The following AGBL1 variants were observed in gnomAD, a reference collection of about 807,000 sequenced individuals.
The protein encoded by AGBL1 is cytosolic carboxypeptidase 4.
AGBL1 carries 130 observed loss-of-function variants against 118.9 expected under a neutral mutation model. The observed-to-expected ratio is 1.09, with a 90% CI of 0.95 to 1.26. AGBL1 has a LOEUF of 1.26. Among genes scored for constraint, AGBL1 ranks in the 50% most tolerant of loss-of-function variants. AGBL1 has a pLI of 0.00. For missense variants in AGBL1, 1,584 were observed against 1,298.1 expected (o/e 1.22, Z -3.38); for synonymous variants, 555 against 478.9 (o/e 1.16, Z -2.08).
chr15:86,642,580 T>C (rs796812613), intron 21 of AGBL1, among the ~76,000 whole-genome samples: 33 of 136,474 alleles, frequency 2.4e-4, no homozygotes, highest in African/African-American at 8.2e-4. Context: ...TTTTGTCTTC[T>C]GAAATTATAG....
chr15:86,993,138 C>T (rs1050983181), intron 24 of AGBL1, among the ~76,000 whole-genome samples: 1 of 152,116 alleles, frequency 6.6e-6, no homozygotes, highest in African/African-American at 2.4e-5. Flanking sequence ...TGTGCTCTAA[C>T]TGTAATATAA....
At chr15:86,851,531 T>C (rs932308853) in intron 22 of AGBL1, among the ~76,000 whole-genome samples, 2 of 152,190 alleles carry the variant, frequency 1.3e-5, no homozygotes, top group African/African-American at 4.8e-5. Flanking sequence ...ACTTTCTGTA[T>C]CCCCAGAATT....
At chr15:86,469,972 T>A (rs2082458386) in intron 18 of AGBL1, among the ~76,000 whole-genome samples, 3 of 152,182 alleles carry the variant, frequency 2.0e-5, no homozygotes, top group Admixed American at 2.0e-4. Context: ...TTTTGGATGT[T>A]AGCCCCTTAC....
chr15:86,253,967 G>T (rs2078856468), intron 7 of AGBL1, among the ~76,000 whole-genome samples: 1 of 152,212 alleles, frequency 6.6e-6, no homozygotes, highest in Non-Finnish European at 1.5e-5. Context: ...ACAAGGGGAA[G>T]GAAGGAGAGT....
intron 5 of AGBL1, among the ~76,000 whole-genome samples, chr15:86,216,677 C>T (rs1383146358): frequency 2.0e-5 from 3 of 152,160 alleles, no homozygotes; most frequent in Non-Finnish European, 4.4e-5. Flanking sequence ...ACATGGCTTT[C>T]TACTGGTCTC....
At chr15:86,215,264 T>TGA (rs2078169154) in intron 5 of AGBL1, among the ~76,000 whole-genome samples, 5 of 149,904 alleles carry the variant, frequency 3.3e-5, no homozygotes, top group Non-Finnish European at 4.4e-5. Context: ...TGTGTGTGTG[T>TGA]GATTTTATGC....
intron 22 of AGBL1, among the ~76,000 whole-genome samples, chr15:86,696,611 G>A (rs992959034): frequency 1.3e-5 from 2 of 151,508 alleles, no homozygotes; most frequent in Admixed American, 1.3e-4. Flanking sequence ...TGAGATGTGA[G>A]GTACTATTCC....
chr15:86,672,747 A>G (rs1453302262), intron 21 of AGBL1, among the ~76,000 whole-genome samples: 1 of 152,198 alleles, frequency 6.6e-6, no homozygotes, highest in East Asian at 1.9e-4. Context: ...CTTAAGAAAA[A>G]AACAACTTGT....
intron 21 of AGBL1, among the ~76,000 whole-genome samples, chr15:86,645,363 C>G (rs1596333415): frequency 6.6e-6 from 1 of 152,282 alleles, no homozygotes; most frequent in East Asian, 1.9e-4. Context: ...TTGTATTGTT[C>G]TTTCAGCTTT....
chr15:86,240,358 T>A (rs1482322508), intron 6 of AGBL1, among the ~76,000 whole-genome samples: 1 of 152,220 alleles, frequency 6.6e-6, no homozygotes, highest in African/African-American at 2.4e-5. Flanking sequence ...CAGAAACATC[T>A]TCTAAATAGA....
At chr15:86,565,067 T>C (rs998072581) in intron 21 of AGBL1, among the ~76,000 whole-genome samples, 4 of 152,354 alleles carry the variant, frequency 2.6e-5, no homozygotes, top group African/African-American at 9.6e-5. Context: ...TTCTTTGCGA[T>C]GGGTTTGAAT....
chr15:86,700,915 GACA>G (rs1567129369), intron 22 of AGBL1, among the ~76,000 whole-genome samples: 1 of 152,094 alleles, frequency 6.6e-6, no homozygotes, highest in Non-Finnish European at 1.5e-5. Context: ...AACCCCAAGA[GACA>G]GTCAGAGTCA....
chr15:86,526,094 G>T (rs751252397), intron 19 of AGBL1, among the ~76,000 whole-genome samples: 19 of 152,186 alleles, frequency 1.2e-4, no homozygotes, highest in Non-Finnish European at 1.9e-4. Context: ...TTATATGAGT[G>T]ACCAAGAAAC....
chr15:86,380,700 T>C lies in AGBL1; in HGVS notation c.2375-16666T>C, dbSNP rs377497318. Among the ~76,000 whole-genome samples, 216 of 152,314 alleles carry C rather than the reference T, an allele frequency of 1.4e-3. 1 individual carries two copies. The highest frequency in any genetic ancestry group is 5.1e-3 in the African/African-American group (211 of 41,552). ...GTATTTCCATTAACTTCCCGTTCAT[T>C]TACAAGGCCATTTATGCACATGCTT... On this transcript the variant is annotated intron_variant, in intron 17 of 22. Transcript: ENST00000614907.
At chr15:86,382,916 A>C (rs2081131733) in intron 17 of AGBL1, among the ~76,000 whole-genome samples, 1 of 152,130 alleles carries the variant, frequency 6.6e-6, no homozygotes, top group African/African-American at 2.4e-5. Flanking sequence ...GACCTGAACT[A>C]TGCTAAGCTT....
At chr15:86,669,907 G>A (rs973172947) in intron 21 of AGBL1, among the ~76,000 whole-genome samples, 1 of 152,096 alleles carries the variant, frequency 6.6e-6, no homozygotes, top group Non-Finnish European at 1.5e-5. Flanking sequence ...CATAAATTGT[G>A]TGACTGCCTG....
At chr15:86,359,382 GTTTTCTT>G (rs745903210) in intron 17 of AGBL1, among the ~76,000 whole-genome samples, 5 of 93,984 alleles carry the variant, frequency 5.3e-5, no homozygotes, top group African/African-American at 7.9e-5. Context: ...ATCAGTATTG[GTTTTCTT>G]TTTTTTTTTT....
chr15:86,575,795 G>C (rs1188706765), intron 21 of AGBL1, among the ~76,000 whole-genome samples: 1 of 151,942 alleles, frequency 6.6e-6, no homozygotes, highest in Non-Finnish European at 1.5e-5. Flanking sequence ...CAGGGTCTTG[G>C]TATGTTGCCT....
intron 22 of AGBL1, among the ~76,000 whole-genome samples, chr15:86,855,975 C>T (rs895726748): frequency 6.6e-6 from 1 of 152,254 alleles, no homozygotes; most frequent in East Asian, 1.9e-4. Flanking sequence ...CTTTAAAACC[C>T]GGGAGCTCAA....
Sources: allele counts gnomAD v4.1 joint callset (sites outside exome capture counted in the v4.1 genomes callset), GRCh38; gene constraint gnomAD v4.1.1; transcripts MANE v1.5; gene names NCBI Gene and HGNC (gene_info 2026-07-23, HGNC 2026-07-21).